TGFBRAP1: variants seen among roughly 807,000 people sequenced by gnomAD.
TGFBRAP1 encodes transforming growth factor beta receptor associated protein 1, also known as transforming growth factor-beta receptor-associated protein 1.
Under a neutral mutation model 83.2 loss-of-function variants are expected in TGFBRAP1, and 20 were observed. The ratio of observed to expected loss-of-function variants is 0.24; its 90% CI spans 0.17 to 0.35. TGFBRAP1 has a LOEUF of 0.35. TGFBRAP1 is among the 10% of genes least tolerant of loss of function. TGFBRAP1 has a pLI of 1.00. For missense variants in TGFBRAP1, 950 were observed against 1,099.4 expected, an observed-to-expected ratio of 0.86 and a Z score of 1.92; for synonymous variants, 415 against 459.8, an observed-to-expected ratio of 0.90 and a Z score of 1.25.
chr2:105,259,775 A>G (rs1388670739), downstream of TGFBRAP1, among the ~76,000 whole-genome samples: 1 of 152,192 alleles, frequency 6.6e-6, no homozygotes. Flanking sequence ...AGCTTTACAC[A>G]GACCTCTGCA....
At chr2:105,298,739 C>A (rs746316354) in intron 2 of TGFBRAP1, 34 bp from the exon 3 acceptor site, 65 of 1,523,546 alleles carry the variant, frequency 4.3e-5, no homozygotes, top group Non-Finnish European at 5.7e-5. Flanking sequence ...GGTAGGCTTC[C>A]AAATAAGCAT....
chr2:105,300,799 G>A (rs1325212565), intron 2 of TGFBRAP1, among the ~76,000 whole-genome samples: 4 of 152,138 alleles, frequency 2.6e-5, no homozygotes, highest in Non-Finnish European at 5.9e-5. Context: ...TGAACTGACA[G>A]AATAAAACAG....
intron 2 of TGFBRAP1, among the ~76,000 whole-genome samples, chr2:105,304,521 G>C (rs555611390): frequency 7.2e-4 from 110 of 152,322 alleles, no homozygotes; most frequent in Non-Finnish European, 1.4e-3. Flanking sequence ...AGTGGCTCAC[G>C]CCTGTAATCC....
intron 4 of TGFBRAP1, among the ~76,000 whole-genome samples, chr2:105,286,582 C>T (rs1294589316): frequency 6.6e-6 from 1 of 152,198 alleles, no homozygotes; most frequent in Non-Finnish European, 1.5e-5. Context: ...ATTATCAGCT[C>T]ATCCTTCATT....
chr2:105,254,019 G>A, the TGFBRAP1 span, among the ~76,000 whole-genome samples: 1 of 151,166 alleles, frequency 6.6e-6, no homozygotes, highest in Non-Finnish European at 1.5e-5. Flanking sequence ...GTGGTGATAT[G>A]CCTCTGATAC....
intron 4 of TGFBRAP1, among the ~76,000 whole-genome samples, chr2:105,287,911 A>C (rs1677772088): frequency 6.6e-6 from 1 of 152,010 alleles, no homozygotes; most frequent in Admixed American, 6.6e-5. Context: ...CACCTGGAAC[A>C]ACCACACGAT....
At chr2:105,293,893 T>A (rs1053084788) in intron 4 of TGFBRAP1, among the ~76,000 whole-genome samples, 5 of 152,092 alleles carry the variant, frequency 3.3e-5, no homozygotes, top group African/African-American at 1.2e-4. Flanking sequence ...GGTGACATGA[T>A]AAATGGTATG....
downstream of TGFBRAP1, among the ~76,000 whole-genome samples, chr2:105,259,551 A>T (rs1268154452): frequency 1.3e-5 from 2 of 152,056 alleles, no homozygotes; most frequent in African/African-American, 4.8e-5. Context: ...GGCACACAAC[A>T]CACCTCCTTC....
intron 4 of TGFBRAP1, among the ~76,000 whole-genome samples, chr2:105,286,575 A>G (rs548812106): frequency 3.4e-4 from 52 of 152,298 alleles, no homozygotes; most frequent in Middle Eastern, 3.4e-3. Flanking sequence ...TTTTTTCATT[A>G]TCAGCTCATC....
chr2:105,264,989 T>C lies in TGFBRAP1; in HGVS notation c.*2394A>G, dbSNP rs1008762468. The C allele has an allele frequency of 6.6e-6, 1 of 152,198 alleles. No homozygotes were observed. Among genetic ancestry groups the C allele is most frequent in the Non-Finnish European group, 1.5e-5 (1 of 68,032 alleles). The allele number at this position is 152,198 out of a possible 1,614,324, so 9.4% of individuals were successfully genotyped here. On this transcript the variant is annotated 3_prime_UTR_variant, in exon 12 of 12. Transcript: ENST00000393359. The stretch of plus-strand genomic sequence containing the variant: ...AATATGATTTGAGAAAAGGGCCTTG[T>C]AGGAGTGAGAGAAAGGTTAGAGAAA...
chr2:105,269,248 C>T lies in TGFBRAP1; in HGVS notation c.2406+24G>A. On this transcript the variant is annotated intron_variant, in intron 11 of 11. Coordinates refer to ENST00000393359, the MANE Select transcript of TGFBRAP1 (RefSeq NM_004257.6). This position sits in a 1 kb window ranked among gnomAD's most constrained non-coding sequence, Gnocchi z 4.1. The stretch of plus-strand genomic sequence containing the variant: ...AGTACAATGTTGACTGACCAGGAAG[C>T]AGCTCGTGGGGGCCAGCACTTACCT... 1 of 1,557,206 alleles carries T rather than the reference C, an allele frequency of 6.4e-7. No homozygotes were observed. Among genetic ancestry groups the T allele is most frequent in the South Asian group, 1.2e-5 (1 of 83,618 alleles).
Position 105,281,453 on chromosome 2 carries a change from C to T in TGFBRAP1, c.1122-730G>A, listed in dbSNP as rs79590544. 5.3e-3 allele frequency among the ~76,000 whole-genome samples: 806 copies of T among 152,218 alleles called. 10 individuals are homozygous for T. The highest frequency in any genetic ancestry group is 0.019 in the African/African-American group (769 of 41,538). Reference sequence around the variant, plus strand: ...ACCCCACCCCAGACACATGGAATGGCGAGGAAGGACCCAGGATCCATGCTG... The same window carrying T: ...ACCCCACCCCAGACACATGGAATGGTGAGGAAGGACCCAGGATCCATGCTG... On this transcript the variant is annotated intron_variant, in intron 5 of 11. Transcript: ENST00000393359.
intron 1 of TGFBRAP1, among the ~76,000 whole-genome samples, chr2:105,312,867 T>C (rs527918438): frequency 1.1e-3 from 172 of 152,336 alleles, no homozygotes; most frequent in African/African-American, 4.0e-3. Context: ...ATCCCAGCAC[T>C]TTGGGAGGCC....
intron 2 of TGFBRAP1, among the ~76,000 whole-genome samples, chr2:105,299,410 G>C (rs1292242347): frequency 6.6e-6 from 1 of 152,104 alleles, no homozygotes; most frequent in Non-Finnish European, 1.5e-5. Context: ...TAATCCTGAG[G>C]ATTCTGCTGA....
chr2:105,272,710 T>TA lies in TGFBRAP1; in HGVS notation c.1972+144dup, dbSNP rs1359648852. 6.2e-6 allele frequency: 7 copies of TA among 1,123,228 alleles called. No homozygotes were observed. In the East Asian group the frequency reaches 1.8e-4, roughly 29 times the overall value. The allele number at this position is 1,123,228 out of a possible 1,614,324, so 69.6% of individuals were successfully genotyped here. A position where few individuals can be genotyped will look rare whatever the true frequency, so the allele number is the denominator to read the frequency against. ...GACAAAGCGACACCCTGTCTTCATT[T>TA]AAAAAAATCTTTTTAAAAAAAGAGG... On this transcript the variant is annotated intron_variant, in intron 10 of 11. Coordinates refer to ENST00000393359, the MANE Select transcript of TGFBRAP1 (RefSeq NM_004257.6).
the TGFBRAP1 span, among the ~76,000 whole-genome samples, chr2:105,258,730 TACACACACACACAC>T: frequency 1.1e-3 from 152 of 140,604 alleles, no homozygotes; most frequent in Non-Finnish European, 1.7e-3. Context: ...TCCCCACCCC[TACACACACACACAC>T]ACACACACAC....
chr2:105,288,638 G>T (rs1677795315), intron 4 of TGFBRAP1, among the ~76,000 whole-genome samples: 1 of 152,038 alleles, frequency 6.6e-6, no homozygotes, highest in African/African-American at 2.4e-5. Context: ...AACAAAAATT[G>T]GCATGAGTGT....
At chr2:105,320,026 G>C (rs984512375) in intron 1 of TGFBRAP1, among the ~76,000 whole-genome samples, 3 of 152,000 alleles carry the variant, frequency 2.0e-5, no homozygotes, top group African/African-American at 7.2e-5. Flanking sequence ...TGACAAACTG[G>C]CATTTATTAA....
the TGFBRAP1 span, among the ~76,000 whole-genome samples, chr2:105,257,997 A>C: frequency 6.6e-6 from 1 of 152,238 alleles, no homozygotes; most frequent in Admixed American, 6.5e-5. Context: ...TGAACACATG[A>C]ATGAATGAAT....
Sources: gnomAD v4.1 joint callset for allele counts (sites outside exome capture counted in the v4.1 genomes callset) on GRCh38, gnomAD v4.1.1 for gene constraint, Gnocchi (gnomAD v3.1) non-coding constraint, MANE v1.5 for transcripts, NCBI Gene and HGNC (gene_info 2026-07-23, HGNC 2026-07-21) for gene names.